Variants in GNAI1 observed in about 807,000 individuals in gnomAD.
GNAI1 encodes G protein subunit alpha i1, also known as guanine nucleotide-binding protein G(i) subunit alpha-1.
A neutral mutation model predicts 38.9 loss-of-function variants in GNAI1; 11 were observed. The observed-to-expected ratio is 0.28, with a 90% CI of 0.18 to 0.47. The LOEUF is 0.47. Among genes scored for constraint, GNAI1 ranks in the 20% least tolerant of loss-of-function variants. The pLI is 0.99. For synonymous variants in GNAI1, 166 were observed against 145.1 expected (o/e 1.14, Z -1.04); for missense variants, 317 against 436.9 (o/e 0.73, Z 2.45).
intron 1 of GNAI1, 52 bp from the exon 2 acceptor site, chr7:80,188,899 T>C: frequency 1.8e-6 from 2 of 1,141,076 alleles, no homozygotes; most frequent in Non-Finnish European, 1.3e-6. Flanking sequence ...GAGTTGAATA[T>C]ACTTAAGTGA....
rs1171061596 is a variant in GNAI1 at position 80,135,370 on chromosome 7, G to A, written c.118+92G>A. 13 of 715,006 alleles carry A rather than the reference G, an allele frequency of 1.8e-5. No individual in the cohort carries two copies. In the Admixed American group the frequency reaches 3.0e-4, roughly 16 times the overall value. 44.3% of individuals were successfully genotyped at this position (715,006 alleles called of 1,614,324 possible). ...GCGTTTGGAAACCCGGAGGGAAGGG[G>A]GAGGAAGCGCCCGAGGAGGCTTCTG... On this transcript the variant is annotated intron_variant, in intron 1 of 7. Transcript: ENST00000649796.
At chr7:80,167,411 G>A (rs1447026175) in intron 1 of GNAI1, among the ~76,000 whole-genome samples, 2 of 152,154 alleles carry the variant, frequency 1.3e-5, no homozygotes, top group Non-Finnish European at 1.5e-5. Context: ...CAAAGGAAAA[G>A]ATTTTCGTAT....
intron 1 of GNAI1, among the ~76,000 whole-genome samples, chr7:80,151,952 C>T (rs1584010252): frequency 6.6e-6 from 1 of 152,302 alleles, no homozygotes; most frequent in African/African-American, 2.4e-5. Flanking sequence ...CATGGCCCTT[C>T]AGCTATTAAA....
At chr7:80,140,887 G>T (rs1357617086) in intron 1 of GNAI1, among the ~76,000 whole-genome samples, 5 of 152,178 alleles carry the variant, frequency 3.3e-5, no homozygotes, top group African/African-American at 1.2e-4. Context: ...TTCTAGAGGA[G>T]AATCCATTCC....
chr7:80,162,273 T>C (rs1584018958), intron 1 of GNAI1, among the ~76,000 whole-genome samples: 2 of 152,168 alleles, frequency 1.3e-5, no homozygotes, highest in East Asian at 3.9e-4. Context: ...GCTTGTTGTT[T>C]AGGCCACCCA....
Position 80,205,318 on chromosome 7 carries a change from GT to G in GNAI1, c.590+1496del, listed in dbSNP as rs748710653. Among the ~76,000 whole-genome samples the G allele has an allele frequency of 8.4e-3, 1,231 of 147,404 alleles. 21 individuals carry two copies. Among genetic ancestry groups the G allele is most frequent in the African/African-American group, 0.028 (1,122 of 40,352 alleles). On this transcript the variant is annotated intron_variant, in intron 5 of 7. Coordinates refer to ENST00000649796, the MANE Select transcript of GNAI1 (RefSeq NM_002069.6). ...AAGTTTAACAGATAGGGATATTTTT[GT>G]TTTTTTTTTAACCCAACAAGGTTAA...
rs1041024788 is a variant in GNAI1, at chr7:80,222,576, G to A, written c.*5083G>A. On this transcript the variant is annotated 3_prime_UTR_variant, in exon 8 of 8. Transcript: ENST00000649796. ...CTAATCTTGTATTTTTAGTAGAGAC[G>A]GGGTTTCTCCATGTCGGTCGGGCTG... Among the ~76,000 whole-genome samples the A allele has an allele frequency of 4.0e-5, 6 of 151,680 alleles. No homozygotes were observed. The highest frequency in any genetic ancestry group is 5.9e-5 in the Non-Finnish European group (4 of 67,910).
At chr7:80,142,658 A>T (rs1029210143) in intron 1 of GNAI1, among the ~76,000 whole-genome samples, 3 of 152,214 alleles carry the variant, frequency 2.0e-5, no homozygotes, top group Non-Finnish European at 4.4e-5. Context: ...AATTTTGACT[A>T]GTTTTCTTTT....
intron 7 of GNAI1, among the ~76,000 whole-genome samples, chr7:80,213,537 G>T (rs1177177594): frequency 6.6e-6 from 1 of 152,078 alleles, no homozygotes; most frequent in Admixed American, 6.5e-5. Flanking sequence ...TCAGGAGTTG[G>T]GCTAAAACAT....
chr7:80,190,785 T>C (rs150932213), intron 3 of GNAI1, among the ~76,000 whole-genome samples: 222 of 152,280 alleles, frequency 1.5e-3, no homozygotes, highest in African/African-American at 4.9e-3. Flanking sequence ...AAAAAAGCGT[T>C]GTAGCCTCCA....
At chr7:80,196,281 T>C (rs1788570913) in intron 3 of GNAI1, among the ~76,000 whole-genome samples, 2 of 151,972 alleles carry the variant, frequency 1.3e-5, no homozygotes, top group African/African-American at 4.8e-5. Context: ...CAAGGAATTT[T>C]TCTGTCAAAT....
chr7:80,210,889 C>G (rs1263376686), intron 5 of GNAI1, 80 bp from the exon 6 acceptor site: 4 of 1,237,420 alleles, frequency 3.2e-6, no homozygotes, highest in East Asian at 2.4e-5. Flanking sequence ...CTATTCAGAG[C>G]TTTTTTTGTT....
At chr7:80,177,383 C>T (rs868397224) in intron 1 of GNAI1, among the ~76,000 whole-genome samples, 10 of 152,140 alleles carry the variant, frequency 6.6e-5, no homozygotes, top group African/African-American at 2.4e-4. Context: ...AGTGTTAAGA[C>T]CTTACTGCAC....
chr7:80,166,153 A>AT (rs1466319960), intron 1 of GNAI1, among the ~76,000 whole-genome samples: 10 of 152,184 alleles, frequency 6.6e-5, no homozygotes, highest in African/African-American at 1.9e-4. Flanking sequence ...ATTTTTATGC[A>AT]TTAACAACAG....
chr7:80,184,710 C>T (rs1788360187), intron 1 of GNAI1, among the ~76,000 whole-genome samples: 1 of 152,154 alleles, frequency 6.6e-6, no homozygotes, highest in Admixed American at 6.5e-5. Context: ...ATTTAACAAC[C>T]TCCTGTCCAT....
intron 1 of GNAI1, among the ~76,000 whole-genome samples, chr7:80,148,272 C>A (rs1289016341): frequency 6.6e-6 from 1 of 152,126 alleles, no homozygotes; most frequent in African/African-American, 2.4e-5. Context: ...AGAACTAATT[C>A]TCTGGAAGGT....
At chr7:80,210,300 G>A (rs1788850829) in intron 5 of GNAI1, among the ~76,000 whole-genome samples, 1 of 152,010 alleles carries the variant, frequency 6.6e-6, no homozygotes, top group Non-Finnish European at 1.5e-5. Flanking sequence ...TATAAAAATT[G>A]AATTTTTTTC....
intron 1 of GNAI1, among the ~76,000 whole-genome samples, chr7:80,157,484 T>C (rs115003675): frequency 0.02 from 3,037 of 152,268 alleles, 85 homozygotes; most frequent in African/African-American, 0.069. Flanking sequence ...TTGGATAATA[T>C]GGTAAGAGTG....
At position 80,225,103 on chromosome 7, in the gene GNAI1, C is replaced by A. The variant is rs1789137341; in HGVS notation, c.*7610C>A. 1.3e-5 allele frequency among the ~76,000 whole-genome samples: 2 copies of A among 152,082 alleles called. No homozygotes were observed. Among genetic ancestry groups the A allele is most frequent in the African/African-American group, 2.4e-5 (1 of 41,416 alleles). On this transcript the variant is annotated 3_prime_UTR_variant, in exon 8 of 8. Transcript: ENST00000649796. ...GTCTTGGTGTCTTGAATAAATCACACCTTCAGTGACTTTCTTGGGAAATGG... is the reference window on the plus strand; with the variant it reads ...GTCTTGGTGTCTTGAATAAATCACAACTTCAGTGACTTTCTTGGGAAATGG...
Sources: allele counts gnomAD v4.1 joint callset (sites outside exome capture counted in the v4.1 genomes callset), GRCh38; gene constraint gnomAD v4.1.1; transcripts MANE v1.5; gene names NCBI Gene and HGNC (gene_info 2026-07-23, HGNC 2026-07-21).